SIK3: variants seen among roughly 807,000 people sequenced by gnomAD.
SIK3 encodes serine/threonine-protein kinase SIK3.
In SIK3, 28 loss-of-function variants were observed where a neutral mutation model predicts 144.2. The observed-to-expected ratio is 0.19, with a 90% CI of 0.14 to 0.27. The LOEUF (loss-of-function observed/expected upper bound fraction) is 0.27, where lower values mean the gene tolerates loss of function less well. Among genes scored for constraint, SIK3 ranks in the 10% least tolerant of loss-of-function variants. The pLI, the probability that SIK3 is intolerant of heterozygous loss-of-function variation, is 1.00. For synonymous variants in SIK3, 686 were observed against 676.3 expected (o/e 1.01, Z -0.22); for missense variants, 1,319 against 1,776.0 (o/e 0.74, Z 4.62).
chr11:117,087,185 A>G (rs1188292346), intron 1 of SIK3, among the ~76,000 whole-genome samples: 1 of 151,998 alleles, frequency 6.6e-6, no homozygotes, highest in Non-Finnish European at 1.5e-5. Context: ...CATGCCTGTA[A>G]TACCACCACT....
At position 116,867,769 on chromosome 11, in the gene SIK3, T is replaced by TA. The variant is rs895845577; in HGVS notation, c.1952+176dup. 1.7e-5 allele frequency: 9 copies of TA among 536,410 alleles called. No individual in the cohort carries two copies. The highest frequency in any genetic ancestry group is 7.9e-5 in the African/African-American group (4 of 50,952). 33.2% of individuals were successfully genotyped at this position (536,410 alleles called of 1,614,324 possible). ...AATCTCGCATTGCTCCAGGGCGCAG[T>TA]AAAAAACCTTTGCCCTGTGCATTGC... On this transcript the variant is annotated intron_variant, in intron 15 of 24. Transcript: ENST00000445177. The surrounding 1 kb of genome is among the most constrained non-coding windows in gnomAD (Gnocchi z 4.1).
rs1022553810 is a variant in SIK3 at position 116,848,052 on chromosome 11, T to C, written c.3820-444A>G. On this transcript the variant is annotated intron_variant, in intron 22 of 24. Transcript: ENST00000445177. ...TGACTGGGCTGGGCACGGTGGCTCA[T>C]GCCTGTAATCCCAGCACTTTGGGAG... is the stretch of plus-strand genomic sequence containing the variant. Among the ~76,000 whole-genome samples the C allele has an allele frequency of 2.0e-5, 3 of 152,164 alleles. 1 individual carries two copies. The highest frequency in any genetic ancestry group is 4.1e-4 in the South Asian group (2 of 4,830).
intron 1 of SIK3, among the ~76,000 whole-genome samples, chr11:116,963,582 G>A (rs1244053747): frequency 1.3e-5 from 2 of 152,162 alleles, no homozygotes; most frequent in Admixed American, 1.3e-4. Flanking sequence ...CTTTAAAAAT[G>A]GTTTTGACCT....
At chr11:117,077,298 T>A (rs2136032557) in intron 1 of SIK3, among the ~76,000 whole-genome samples, 1 of 152,354 alleles carries the variant, frequency 6.6e-6, no homozygotes, top group Middle Eastern at 3.4e-3. Flanking sequence ...CAGCACTTTG[T>A]TGACTATGAG....
intron 3 of SIK3, among the ~76,000 whole-genome samples, chr11:116,933,986 TC>T (rs1390887941): frequency 1.3e-5 from 2 of 152,210 alleles, no homozygotes; most frequent in Admixed American, 1.3e-4. Context: ...GGAATGCTCC[TC>T]CCCAAATAGC....
At chr11:116,902,759 T>G (rs192780647) in intron 4 of SIK3, among the ~76,000 whole-genome samples, 282 of 152,308 alleles carry the variant, frequency 1.9e-3, no homozygotes, top group Admixed American at 3.3e-3. Flanking sequence ...AACTCTAAGG[T>G]GTACATTCAA....
chr11:116,892,908 G>T (rs1945204761), intron 6 of SIK3, among the ~76,000 whole-genome samples: 1 of 152,174 alleles, frequency 6.6e-6, no homozygotes, highest in Admixed American at 6.5e-5. Flanking sequence ...AAGCCATGAA[G>T]AGACATGGAG....
intron 21 of SIK3, among the ~76,000 whole-genome samples, chr11:116,850,090 T>C (rs1300474932): frequency 3.3e-5 from 5 of 152,212 alleles, no homozygotes; most frequent in Non-Finnish European, 4.4e-5. Context: ...ATTGATTCCT[T>C]ACTCCTGGTG....
intron 4 of SIK3, among the ~76,000 whole-genome samples, chr11:116,925,360 T>A (rs898896852): frequency 6.6e-6 from 1 of 152,036 alleles, no homozygotes; most frequent in African/African-American, 2.4e-5. Flanking sequence ...AGGGTCGGAA[T>A]TAGGAGTAGG....
chr11:117,070,443 CTTT>C (rs34756068), intron 1 of SIK3, among the ~76,000 whole-genome samples: 1 of 146,684 alleles, frequency 6.8e-6, no homozygotes, highest in African/African-American at 2.5e-5. Flanking sequence ...TGAACAATAC[CTTT>C]TTTTTTTTTT....
At chr11:116,882,623 C>T (rs563939031) in intron 6 of SIK3, among the ~76,000 whole-genome samples, 1 of 152,274 alleles carries the variant, frequency 6.6e-6, no homozygotes, top group South Asian at 2.1e-4. Context: ...AAACAGAAGA[C>T]ATCTGTGTAC....
At chr11:117,080,127 AAGACAACCAAC>A (rs1315527611) in intron 1 of SIK3, among the ~76,000 whole-genome samples, 1 of 152,234 alleles carries the variant, frequency 6.6e-6, no homozygotes, top group Non-Finnish European at 1.5e-5. Context: ...ACAAAGCAGA[AAGACAACCAAC>A]AGACAAATTA....
intron 4 of SIK3, among the ~76,000 whole-genome samples, chr11:116,921,692 G>C (rs1946987681): frequency 6.6e-6 from 1 of 152,126 alleles, no homozygotes; most frequent in South Asian, 2.1e-4. Flanking sequence ...TTCTGAAAAT[G>C]ATCAAGGCTT....
intron 1 of SIK3, 84 bp from the exon 2 acceptor site, chr11:116,957,148 C>A: frequency 1.6e-6 from 1 of 627,390 alleles, no homozygotes; most frequent in Non-Finnish European, 2.7e-6. Context: ...TAAAACATTA[C>A]GTTCCATAAA....
In SIK3 at chr11:116,863,523, C is replaced by T. The variant is rs188087504; in HGVS notation, c.2103+145G>A. 126 of 1,239,056 alleles carry T rather than the reference C, an allele frequency of 1.0e-4. No individual in the cohort carries two copies. The African/African-American group carries it at 1.6e-3, about 16-fold the overall frequency. The allele number at this position is 1,239,056 out of a possible 1,614,324, so 76.8% of individuals were successfully genotyped here. Reference sequence around the variant, plus strand: ...GGATTATAGGCGGGATCCACTGCGCCCGGCCCAGAAAGCTATACTTTTTTA... The same window carrying T: ...GGATTATAGGCGGGATCCACTGCGCTCGGCCCAGAAAGCTATACTTTTTTA... On this transcript the variant is annotated intron_variant, in intron 16 of 24. Transcript: ENST00000445177.
chr11:116,922,815 A>G (rs1256333214), intron 4 of SIK3, among the ~76,000 whole-genome samples: 1 of 151,012 alleles, frequency 6.6e-6, no homozygotes, highest in Middle Eastern at 3.2e-3. Flanking sequence ...TCCTAATCTG[A>G]GTTTTATTAG....
intron 1 of SIK3, among the ~76,000 whole-genome samples, chr11:117,060,252 T>C (rs1953732772): frequency 6.6e-6 from 1 of 152,178 alleles, no homozygotes; most frequent in African/African-American, 2.4e-5. Context: ...CTGAAAAGGC[T>C]ACATGCAATA....
chr11:117,071,470 A>C (rs767516366), intron 1 of SIK3, among the ~76,000 whole-genome samples: 1 of 152,036 alleles, frequency 6.6e-6, no homozygotes, highest in African/African-American at 2.4e-5. Context: ...GACAGAGGCC[A>C]TGCCTCTCTC....
At chr11:116,926,882 G>T (rs1013187722) in intron 4 of SIK3, among the ~76,000 whole-genome samples, 2 of 152,042 alleles carry the variant, frequency 1.3e-5, no homozygotes, top group Admixed American at 6.5e-5. Context: ...TTAGCCAGGC[G>T]TGGTGATGCG....
Sources: allele counts gnomAD v4.1 joint callset (sites outside exome capture counted in the v4.1 genomes callset), GRCh38; gene constraint gnomAD v4.1.1; non-coding constraint Gnocchi (gnomAD v3.1); transcripts MANE v1.5; gene names NCBI Gene and HGNC (gene_info 2026-07-23, HGNC 2026-07-21).